EBF2: variants seen among roughly 807,000 people sequenced by gnomAD.
The protein encoded by EBF2 is EBF transcription factor 2.
EBF2 carries 21 observed loss-of-function variants against 72.8 expected under a neutral mutation model. The observed-to-expected ratio is 0.29, with a 90% CI of 0.20 to 0.42. The LOEUF is 0.42. EBF2 is among the 10% of genes least tolerant of loss of function. EBF2 has a pLI of 1.00. For missense variants in EBF2, 637 were observed against 731.2 expected, an observed-to-expected ratio of 0.87 and a Z score of 1.49; for synonymous variants, 299 against 274.2, an observed-to-expected ratio of 1.09 and a Z score of -0.89.
chr8:25,886,694 TG>T (rs1802694204), intron 10 of EBF2, 60 bp downstream of exon 10: 32 of 1,537,664 alleles, frequency 2.1e-5, no homozygotes, highest in Non-Finnish European at 7.9e-6. Flanking sequence ...GTGCAGATAC[TG>T]GGAACTAGCG....
intron 7 of EBF2, among the ~76,000 whole-genome samples, chr8:25,893,220 A>G (rs1173606851): frequency 6.6e-6 from 1 of 152,064 alleles, no homozygotes; most frequent in Non-Finnish European, 1.5e-5. Flanking sequence ...TCATCTCTGG[A>G]AAAAACAAAA....
chr8:25,971,630 T>G (rs1485596280), intron 6 of EBF2, among the ~76,000 whole-genome samples: 1 of 152,162 alleles, frequency 6.6e-6, no homozygotes, highest in East Asian at 1.9e-4. Context: ...GATAGGTTAA[T>G]GCTTGTCACA....
At chr8:26,027,684 CATT>C in intron 6 of EBF2, among the ~76,000 whole-genome samples, 1 of 121,140 alleles carries the variant, frequency 8.3e-6, no homozygotes, top group South Asian at 2.8e-4. Flanking sequence ...TCCACAGCAA[CATT>C]ATTTCCAGTA....
At chr8:25,997,839 A>C (rs1306135878) in intron 6 of EBF2, among the ~76,000 whole-genome samples, 1 of 152,218 alleles carries the variant, frequency 6.6e-6, no homozygotes, top group Non-Finnish European at 1.5e-5. Flanking sequence ...TGTTGGTTCA[A>C]ATAGCAGTTT....
At chr8:25,954,432 A>G (rs1803911981) in intron 6 of EBF2, among the ~76,000 whole-genome samples, 2 of 152,206 alleles carry the variant, frequency 1.3e-5, no homozygotes, top group African/African-American at 2.4e-5. Context: ...CGTTGGGTGC[A>G]TCTCTGCCAG....
Position 26,045,150 on chromosome 8 carries a change from C to T in EBF2, c.-291G>A, listed in dbSNP as rs1448298989. On this transcript the variant is annotated 5_prime_UTR_variant, in exon 1 of 16. Coordinates refer to ENST00000520164, the MANE Select transcript of EBF2 (RefSeq NM_022659.4). ...CATCCTTCCAGCTGCAGTGCTGCCT[C>T]CTGAAAGTGATCACAATTTAGAAGC... 1.2e-5 allele frequency: 3 copies of T among 258,952 alleles called. No individual in the cohort carries two copies. In the South Asian group the frequency reaches 2.7e-4, roughly 23 times the overall value. 16.0% of individuals were successfully genotyped at this position (258,952 alleles called of 1,614,324 possible). A position where few individuals can be genotyped will look rare whatever the true frequency, so the allele number is the denominator to read the frequency against.
At chr8:26,015,386 C>A (rs1805092914) in intron 6 of EBF2, among the ~76,000 whole-genome samples, 1 of 152,222 alleles carries the variant, frequency 6.6e-6, no homozygotes. Context: ...CATGCCCTTT[C>A]ATCTTTAACC....
chr8:26,025,565 T>C (rs973431822), intron 6 of EBF2, among the ~76,000 whole-genome samples: 1 of 152,004 alleles, frequency 6.6e-6, no homozygotes, highest in Admixed American at 6.6e-5. Context: ...ATTACATGAG[T>C]GAACTTTCCA....
chr8:25,891,350 A>T (rs895882990), intron 7 of EBF2, among the ~76,000 whole-genome samples: 1 of 152,090 alleles, frequency 6.6e-6, no homozygotes, highest in African/African-American at 2.4e-5. Flanking sequence ...TTCTCAGTTC[A>T]CATCAGTTAC....
At chr8:25,907,468 A>C (rs1803055976) in intron 7 of EBF2, among the ~76,000 whole-genome samples, 1 of 148,424 alleles carries the variant, frequency 6.7e-6, no homozygotes, top group Non-Finnish European at 1.5e-5. Context: ...TCAGAATTTC[A>C]AGAAGACAAC....
At chr8:25,907,879 T>A (rs1042078902) in intron 7 of EBF2, among the ~76,000 whole-genome samples, 1 of 152,206 alleles carries the variant, frequency 6.6e-6, no homozygotes, top group Non-Finnish European at 1.5e-5. Flanking sequence ...TCCAGCCTGA[T>A]ACACTTTGCC....
At chr8:25,873,886 T>C (rs1802478259) in intron 10 of EBF2, among the ~76,000 whole-genome samples, 1 of 152,200 alleles carries the variant, frequency 6.6e-6, no homozygotes, top group Admixed American at 6.5e-5. Context: ...ATTAAGGGGC[T>C]GGGATGTCTC....
intron 6 of EBF2, among the ~76,000 whole-genome samples, chr8:25,989,483 G>T (rs1335693344): frequency 1.3e-5 from 2 of 152,204 alleles, no homozygotes; most frequent in Non-Finnish European, 2.9e-5. Flanking sequence ...TATGTTATTT[G>T]GCATAGGAAG....
intron 6 of EBF2, among the ~76,000 whole-genome samples, chr8:26,004,937 T>C (rs1195715674): frequency 1.3e-5 from 2 of 151,610 alleles, no homozygotes; most frequent in Non-Finnish European, 2.9e-5. Flanking sequence ...GAATTATCTT[T>C]AATTTCTTCA....
chr8:25,901,256 G>A (rs1360318643), intron 7 of EBF2, among the ~76,000 whole-genome samples: 4 of 151,680 alleles, frequency 2.6e-5, no homozygotes, highest in Non-Finnish European at 4.4e-5. Context: ...ACCCCGTCTC[G>A]ATAAAAAATA....
At position 25,948,612 on chromosome 8, in the gene EBF2, T is replaced by C. The variant is rs907444266; in HGVS notation, c.552-40057A>G. Among the ~76,000 whole-genome samples, 37 of 152,212 alleles carry C rather than the reference T, an allele frequency of 2.4e-4. 1 individual carries two copies. The highest frequency in any genetic ancestry group is 8.0e-4 in the African/African-American group (33 of 41,444). Reference sequence around the variant, plus strand: ...GCCTTCACTCAAGATAATTGCACAGTGGTGACACTGTTGAGGGGCCTGAGG... The same window carrying C: ...GCCTTCACTCAAGATAATTGCACAGCGGTGACACTGTTGAGGGGCCTGAGG... On this transcript the variant is annotated intron_variant, in intron 6 of 15. Transcript: ENST00000520164.
At position 25,855,637 on chromosome 8, in the gene EBF2, G is replaced by A. The variant is rs1413892624; in HGVS notation, c.1528+2682C>T. Among the ~76,000 whole-genome samples, 5 of 152,256 alleles carry A rather than the reference G, an allele frequency of 3.3e-5. No homozygotes were observed. In the South Asian group the frequency reaches 8.3e-4, roughly 25 times the overall value. The stretch of plus-strand genomic sequence containing the variant: ...ACACAAGCAACTGAATTGACAAAAT[G>A]TTTTCCCCCGGGCTTTTCTTTTTTT... On this transcript the variant is annotated intron_variant, in intron 14 of 15. Coordinates refer to ENST00000520164, the MANE Select transcript of EBF2 (RefSeq NM_022659.4).
At chr8:25,889,217 T>G (rs936164700) in intron 8 of EBF2, among the ~76,000 whole-genome samples, 1 of 152,220 alleles carries the variant, frequency 6.6e-6, no homozygotes, top group Admixed American at 6.5e-5. Context: ...TTGTCAGTTA[T>G]CTTCATCGAT....
At chr8:25,997,778 G>A (rs1379281554) in intron 6 of EBF2, among the ~76,000 whole-genome samples, 1 of 152,010 alleles carries the variant, frequency 6.6e-6, no homozygotes, top group Non-Finnish European at 1.5e-5. Context: ...TAGACTATGG[G>A]GCAATCCCAT....
Sources: allele counts gnomAD v4.1 joint callset (sites outside exome capture counted in the v4.1 genomes callset), GRCh38; gene constraint gnomAD v4.1.1; transcripts MANE v1.5; gene names NCBI Gene and HGNC (gene_info 2026-07-23, HGNC 2026-07-21).